Variants in ZNF43 observed in about 807,000 individuals in gnomAD.
The protein encoded by ZNF43 is zinc finger protein 43, also known as zinc finger protein 39-like 1 (KOX 27).
In ZNF43, 44 loss-of-function variants were observed where a neutral mutation model predicts 68.4. That is an observed-to-expected ratio of 0.64 (90% CI 0.51 to 0.83). ZNF43 has a LOEUF of 0.83. Among genes scored for constraint, ZNF43 ranks in the 40% least tolerant of loss-of-function variants. ZNF43 has a pLI of 0.00. For missense variants in ZNF43, 896 were observed against 933.2 expected, an observed-to-expected ratio of 0.96 and a Z score of 0.52; for synonymous variants, 308 against 307.8, an observed-to-expected ratio of 1.00 and a Z score of -0.01.
intron 1 of ZNF43, among the ~76,000 whole-genome samples, chr19:21,830,286 AAAAAC>A (rs2038360719): frequency 6.6e-6 from 1 of 151,588 alleles, no homozygotes; most frequent in Non-Finnish European, 1.5e-5. Flanking sequence ...AATGAAAAAA[AAAAAC>A]AAAACAAAAA....
At chr19:21,809,975 A>C (rs2037200557) in intron 3 of ZNF43, among the ~76,000 whole-genome samples, 168 bp from the exon 4 acceptor site, 1 of 152,218 alleles carries the variant, frequency 6.6e-6, no homozygotes, top group Non-Finnish European at 1.5e-5. Flanking sequence ...CATACTGATC[A>C]AATCAGTGAA....
At chr19:21,828,736 G>GAA (rs201763466) in intron 1 of ZNF43, among the ~76,000 whole-genome samples, 8 of 121,318 alleles carry the variant, frequency 6.6e-5, no homozygotes, top group African/African-American at 1.5e-4. Context: ...TAAATTTAAG[G>GAA]AAAAAAAAAA....
chr19:21,848,717 G>T (rs1968131740), intron 1 of ZNF43, among the ~76,000 whole-genome samples: 1 of 152,198 alleles, frequency 6.6e-6, no homozygotes, highest in African/African-American at 2.4e-5. Flanking sequence ...GAAAGGTCCA[G>T]TGATCAATTA....
chr19:21,825,272 C>A (rs1209528597), intron 1 of ZNF43, among the ~76,000 whole-genome samples: 1 of 151,942 alleles, frequency 6.6e-6, no homozygotes, highest in Non-Finnish European at 1.5e-5. Context: ...AAAAAGTTGT[C>A]AGGAAGTCTT....
chr19:21,817,815 T>C, intron 3 of ZNF43, 73 bp downstream of exon 3: 1 of 1,452,938 alleles, frequency 6.9e-7, no homozygotes, highest in Non-Finnish European at 9.5e-7. Context: ...AGTCACATTT[T>C]AAGGACTGGC....
At chr19:21,818,966 C>A in intron 2 of ZNF43, 129 bp downstream of exon 2, 1 of 1,344,526 alleles carries the variant, frequency 7.4e-7, no homozygotes, top group Non-Finnish European at 1.0e-6. Context: ...CAACAAATCC[C>A]AATTTTTTTG....
At chr19:21,812,361 G>A (rs866084971) in intron 3 of ZNF43, among the ~76,000 whole-genome samples, 2 of 152,080 alleles carry the variant, frequency 1.3e-5, no homozygotes, top group African/African-American at 2.4e-5. Flanking sequence ...TGATCCGCCC[G>A]CCTCAGCCTC....
intron 1 of ZNF43, among the ~76,000 whole-genome samples, chr19:21,831,256 T>A (rs2038410613): frequency 6.6e-6 from 1 of 152,154 alleles, no homozygotes; most frequent in South Asian, 2.1e-4. Flanking sequence ...GACAGAGCAA[T>A]CAGGCAAGAT....
intron 1 of ZNF43, among the ~76,000 whole-genome samples, chr19:21,829,693 GTC>G (rs1207852836): frequency 6.6e-6 from 1 of 152,108 alleles, no homozygotes; most frequent in Non-Finnish European, 1.5e-5. Flanking sequence ...GAACAAGATA[GTC>G]TCTCTTATTT....
At chr19:21,833,899 T>C (rs942561284) in intron 1 of ZNF43, among the ~76,000 whole-genome samples, 5 of 151,838 alleles carry the variant, frequency 3.3e-5, no homozygotes, top group Admixed American at 2.6e-4. Context: ...TGGTAGTGCA[T>C]CCCTGTAGTC....
At chr19:21,810,942 A>AAAC (rs767194225) in intron 3 of ZNF43, among the ~76,000 whole-genome samples, 8 of 151,766 alleles carry the variant, frequency 5.3e-5, no homozygotes, top group Admixed American at 2.0e-4. Context: ...TCCTGTCTCA[A>AAAC]AACAACAACA....
intron 1 of ZNF43, among the ~76,000 whole-genome samples, chr19:21,844,417 C>T (rs1967762503): frequency 1.4e-5 from 2 of 146,346 alleles, no homozygotes; most frequent in South Asian, 4.4e-4. Flanking sequence ...CTTGTGATGA[C>T]ACTCTGTGCC....
rs1297026047 is a variant in ZNF43, at chr19:21,807,124, T to G, written c.*483A>C. The G allele has an allele frequency of 6.6e-6, 1 of 152,274 alleles. No homozygotes were observed. The highest frequency in any genetic ancestry group is 1.5e-5 in the Non-Finnish European group (1 of 68,090). 9.4% of individuals were successfully genotyped at this position (152,274 alleles called of 1,614,324 possible). On this transcript the variant is annotated 3_prime_UTR_variant, in exon 4 of 4. Transcript: ENST00000354959. ...AAATTTATTACATTTTCCAGGGGTT[T>G]TTTCCAATATAAATTTTCTGATGTT...
rs754435149 is a variant in ZNF43, at chr19:21,809,827, C to T, written c.230-20G>A. 15 of 1,494,258 alleles carry T rather than the reference C, an allele frequency of 1.0e-5. No homozygotes were observed. The highest frequency in any genetic ancestry group is 1.3e-5 in the Non-Finnish European group (15 of 1,125,472). 92.6% of individuals were successfully genotyped at this position (1,494,258 alleles called of 1,614,324 possible). On this transcript the variant is annotated intron_variant, in intron 3 of 3. Transcript: ENST00000354959. The stretch of plus-strand genomic sequence containing the variant: ...ACATAACTGAAAAAAATAAAAATAA[C>T]AAATTATTCCACTTGCTAGACTCAG...
upstream of ZNF43, chr19:21,840,845 G>A (rs1967474910): frequency 6.6e-6 from 1 of 152,096 alleles, no homozygotes; most frequent in Admixed American, 6.6e-5. Context: ...GTGGACCTAG[G>A]CTCATGCATT....
At chr19:21,847,628 C>T (rs912251958) in intron 1 of ZNF43, among the ~76,000 whole-genome samples, 4 of 151,746 alleles carry the variant, frequency 2.6e-5, no homozygotes, top group African/African-American at 4.8e-5. Flanking sequence ...ACCTGGGAGG[C>T]GGAGGTTGCA....
At chr19:21,846,668 TC>T (rs1351473999) in intron 1 of ZNF43, among the ~76,000 whole-genome samples, 1 of 151,920 alleles carries the variant, frequency 6.6e-6, no homozygotes, top group Non-Finnish European at 1.5e-5. Context: ...TATTTCACAA[TC>T]TTCCCTGGAG....
chr19:21,846,916 T>C (rs1967991794), intron 1 of ZNF43, among the ~76,000 whole-genome samples: 1 of 152,150 alleles, frequency 6.6e-6, no homozygotes, highest in Non-Finnish European at 1.5e-5. Context: ...AAGACTCACA[T>C]GTCAGTGCAG....
rs775161888 is a variant in ZNF43, at chr19:21,808,842, TG to T, written c.1194del (p.Tyr398Ter). The part of the protein sequence containing the change: ...HKKIHTEKKP[Y>X]KCEECGKAFK... ...AAAGCTTTGCCACATTCTTCACATT[TG>T]TAGGGTTTCTTTTCAGTATGAATTT... On this transcript the variant is annotated frameshift_variant, in exon 4 of 4. Transcript: ENST00000354959. LOFTEE classifies it high-confidence loss of function. 13 of 1,613,602 alleles carry T rather than the reference TG, an allele frequency of 8.1e-6. No homozygotes were observed. The highest frequency in any genetic ancestry group is 1.1e-5 in the Non-Finnish European group (13 of 1,179,874).
Sources: gnomAD v4.1 joint callset for allele counts (sites outside exome capture counted in the v4.1 genomes callset) on GRCh38, gnomAD v4.1.1 for gene constraint, MANE v1.5 for transcripts, NCBI Gene and HGNC (gene_info 2026-07-23, HGNC 2026-07-21) for gene names.